RBM33: variants seen among roughly 807,000 people sequenced by gnomAD.
RBM33 encodes RNA-binding protein 33.
In RBM33, 28 loss-of-function variants were observed where a neutral mutation model predicts 132.6. The observed-to-expected ratio is 0.21, with a 90% CI of 0.16 to 0.29. The LOEUF (loss-of-function observed/expected upper bound fraction) is 0.29, where lower values mean the gene tolerates loss of function less well. RBM33 is among the 10% of genes least tolerant of loss of function. The pLI is 1.00. For missense variants in RBM33, 1,291 were observed against 1,518.5 expected (o/e 0.85, Z 2.49); for synonymous variants, 634 against 593.0 (o/e 1.07, Z -1.01).
intron 14 of RBM33, 92 bp from the exon 15 acceptor site, chr7:155,763,720 T>G (rs1017656848): frequency 1.3e-5 from 15 of 1,184,204 alleles, no homozygotes; most frequent in Non-Finnish European, 1.8e-5. Flanking sequence ...GCTTTGTGGG[T>G]GAACACTGGC....
At chr7:155,720,531 A>C (rs1461277240) in intron 9 of RBM33, among the ~76,000 whole-genome samples, 2 of 152,214 alleles carry the variant, frequency 1.3e-5, no homozygotes, top group Non-Finnish European at 2.9e-5. Context: ...CTACTAGATT[A>C]AACTTGGTTC....
At chr7:155,758,623 C>T (rs997901586) in intron 14 of RBM33, among the ~76,000 whole-genome samples, 5 of 152,122 alleles carry the variant, frequency 3.3e-5, no homozygotes, top group Non-Finnish European at 5.9e-5. Flanking sequence ...GTTGGGGACC[C>T]CTGCTGTATA....
chr7:155,742,597 G>A (rs1801385769), intron 13 of RBM33, among the ~76,000 whole-genome samples: 1 of 152,218 alleles, frequency 6.6e-6, no homozygotes. Flanking sequence ...GTAGGTTTCT[G>A]TGACTTTTCT....
intron 7 of RBM33, among the ~76,000 whole-genome samples, chr7:155,707,752 G>A (rs111931003): frequency 0.035 from 5,275 of 152,254 alleles, 311 homozygotes; most frequent in African/African-American, 0.12. Flanking sequence ...CACCTCCTGG[G>A]TTCAAGCGAT....
At chr7:155,684,036 G>A (rs144422924) in intron 5 of RBM33, among the ~76,000 whole-genome samples, 4 of 152,246 alleles carry the variant, frequency 2.6e-5, no homozygotes, top group South Asian at 2.1e-4. Context: ...CTGATAGGAC[G>A]CTAACAGTTT....
chr7:155,767,559 T>A (rs1411366121), intron 16 of RBM33, among the ~76,000 whole-genome samples: 1 of 152,244 alleles, frequency 6.6e-6, no homozygotes, highest in Non-Finnish European at 1.5e-5. Flanking sequence ...ATGTTTTAGA[T>A]CTCCATCTGC....
chr7:155,743,870 A>G (rs1036222359), intron 13 of RBM33, among the ~76,000 whole-genome samples: 1 of 152,124 alleles, frequency 6.6e-6, no homozygotes, highest in Non-Finnish European at 1.5e-5. Flanking sequence ...CCCGATGCCC[A>G]TGTCCCTTGT....
At chr7:155,650,002 C>T (rs548744106) in intron 1 of RBM33, among the ~76,000 whole-genome samples, 3 of 152,304 alleles carry the variant, frequency 2.0e-5, no homozygotes, top group African/African-American at 4.8e-5. Context: ...CCAGATTTCC[C>T]ATTATACATG....
intron 2 of RBM33, among the ~76,000 whole-genome samples, chr7:155,668,885 G>T (rs143697861): frequency 6.6e-6 from 1 of 152,128 alleles, no homozygotes; most frequent in African/African-American, 2.4e-5. Context: ...TCTTCAGGTT[G>T]GCTCCTGTGT....
At chr7:155,673,940 G>GTTGTTGTTTGTTTTTTTTTTTGTT in intron 3 of RBM33, among the ~76,000 whole-genome samples, 1 of 54,214 alleles carries the variant, frequency 1.8e-5, no homozygotes, top group Non-Finnish European at 3.2e-5. Context: ...TTTAGGCTTA[G>GTTGTTGTTTGTTTTTTTTTTTGTT]TTTTTTTTTT....
At chr7:155,672,259 G>A (rs1016186584) in intron 2 of RBM33, among the ~76,000 whole-genome samples, 26 of 152,052 alleles carry the variant, frequency 1.7e-4, no homozygotes, top group South Asian at 1.2e-3. Flanking sequence ...CTATATTACA[G>A]TTTCTGCTTT....
chr7:155,656,395 T>C (rs1029598027), intron 1 of RBM33, among the ~76,000 whole-genome samples: 15 of 152,214 alleles, frequency 9.9e-5, no homozygotes, highest in Non-Finnish European at 2.2e-4. Context: ...TATTAATTGC[T>C]GTGGCTTCAG....
intron 10 of RBM33, 118 bp downstream of exon 10, chr7:155,737,780 G>T: frequency 8.3e-7 from 1 of 1,200,274 alleles, no homozygotes; most frequent in Non-Finnish European, 1.1e-6. Flanking sequence ...GGAATGCCAG[G>T]TTTTTGTACC....
rs920561646 is a variant in RBM33, at chr7:155,775,769, G to A, written c.*728G>A. On this transcript the variant is annotated 3_prime_UTR_variant, in exon 18 of 18. Coordinates refer to ENST00000401878, the MANE Select transcript of RBM33 (RefSeq NM_053043.3). ...GCACACGGCATGGCCCTCGGCTAGA[G>A]CAGGGTCTGTGATGGCCTCACCTGG... 4 of 153,704 alleles carry A rather than the reference G, an allele frequency of 2.6e-5. No individual in the cohort carries two copies. The highest frequency in any genetic ancestry group is 4.8e-5 in the African/African-American group (2 of 41,474). The allele number at this position is 153,704 out of a possible 1,614,324, so 9.5% of individuals were successfully genotyped here. A position where few individuals can be genotyped will look rare whatever the true frequency, so the allele number is the denominator to read the frequency against.
Position 155,774,665 on chromosome 7 carries a change from T to G in RBM33, c.3464+18T>G. Reference sequence around the variant, plus strand: ...TTCCACAGGTGACCAGTGTGTTCTGTGCTTGTGGTGATAAGGGGGCGGGAG... The same window carrying G: ...TTCCACAGGTGACCAGTGTGTTCTGGGCTTGTGGTGATAAGGGGGCGGGAG... On this transcript the variant is annotated intron_variant, in intron 17 of 17. Transcript: ENST00000401878. The surrounding 1 kb of genome is among the most constrained non-coding windows in gnomAD (Gnocchi z 4.2). 6.2e-7 allele frequency: 1 copy of G among 1,605,220 alleles called. No homozygotes were observed. The highest frequency in any genetic ancestry group is 1.1e-5 in the South Asian group (1 of 90,880).
intron 9 of RBM33, among the ~76,000 whole-genome samples, chr7:155,727,366 G>A (rs1433638207): frequency 6.6e-6 from 1 of 152,156 alleles, no homozygotes; most frequent in African/African-American, 2.4e-5. Flanking sequence ...GCTGGGCGGT[G>A]TTGTCCTGAA....
At chr7:155,673,606 A>G (rs1799033816) in intron 3 of RBM33, among the ~76,000 whole-genome samples, 1 of 107,330 alleles carries the variant, frequency 9.3e-6, no homozygotes, top group South Asian at 3.5e-4. Flanking sequence ...ACACATATAC[A>G]TACACACGTG....
chr7:155,671,438 T>G (rs1288084437), intron 2 of RBM33, among the ~76,000 whole-genome samples: 4 of 152,216 alleles, frequency 2.6e-5, no homozygotes, highest in Non-Finnish European at 1.5e-5. Flanking sequence ...TACTGGAGGA[T>G]AACTTAAAAT....
chr7:155,766,541 C>T lies in RBM33; in HGVS notation c.3261C>T (p.Asn1087=). The T allele has an allele frequency of 6.2e-7, 1 of 1,613,778 alleles. No homozygotes were observed. Among genetic ancestry groups the T allele is most frequent in the Non-Finnish European group, 8.5e-7 (1 of 1,179,856 alleles). Residue 1087 remains asparagine (N), a synonymous_variant, in exon 16 of 18, where the codon AAC becomes AAT. Transcript: ENST00000401878. ...GGCGCCTGATGCCAAACAAGCAGAACCTGCGGGTGGTGGAGTGCAAGCCCC... is the reference window on the plus strand; with the variant it reads ...GGCGCCTGATGCCAAACAAGCAGAATCTGCGGGTGGTGGAGTGCAAGCCCC... The part of the protein sequence containing the change: ...GRGRLMPNKQ[N]LRVVECKPQP...
Sources: allele counts gnomAD v4.1 joint callset (sites outside exome capture counted in the v4.1 genomes callset), GRCh38; gene constraint gnomAD v4.1.1; non-coding constraint Gnocchi (gnomAD v3.1); transcripts MANE v1.5; gene names NCBI Gene and HGNC (gene_info 2026-07-23, HGNC 2026-07-21).